Variants in MRTFB observed in about 807,000 individuals in gnomAD.
MRTFB encodes myocardin related transcription factor B, also known as myocardin-related transcription factor B.
MRTFB carries 29 observed loss-of-function variants against 104.2 expected under a neutral mutation model. The observed-to-expected ratio is 0.28, with a 90% confidence interval of 0.21 to 0.38. MRTFB has a LOEUF of 0.38. Ranked by LOEUF, MRTFB falls within the 10% of genes least tolerant of loss-of-function variation. The probability of loss-of-function intolerance (pLI) is 1.00; values close to 1 mark genes in which losing one functional copy is unlikely to be tolerated. For missense variants in MRTFB, 1,270 were observed against 1,341.6 expected (o/e 0.95, Z 0.83); for synonymous variants, 535 against 519.5 (o/e 1.03, Z -0.41).
chr16:14,165,005 G>A (rs1469520224), intron 3 of MRTFB, among the ~76,000 whole-genome samples: 1 of 151,466 alleles, frequency 6.6e-6, no homozygotes, highest in African/African-American at 2.4e-5. Flanking sequence ...TTCTTTTCAG[G>A]TTTCAGATTT....
At chr16:14,002,865 G>A in the MRTFB span, among the ~76,000 whole-genome samples, 1 of 152,054 alleles carries the variant, frequency 6.6e-6, no homozygotes, top group African/African-American at 2.4e-5. Context: ...AATTAAGAAA[G>A]AAAAGCAACA....
At chr16:14,086,596 A>G (rs898271424) in intron 2 of MRTFB, among the ~76,000 whole-genome samples, 2 of 152,190 alleles carry the variant, frequency 1.3e-5, no homozygotes, top group African/African-American at 4.8e-5. Flanking sequence ...TGATGGTATA[A>G]TCTTGTATTT....
At chr16:14,013,425 T>C in the MRTFB span, 2 of 152,212 alleles carry the variant, frequency 1.3e-5, no homozygotes, top group African/African-American at 4.8e-5. Flanking sequence ...TCACCAGCTC[T>C]TGGGCATTTA....
rs184510572 is a variant in MRTFB, at chr16:14,222,793, A to G, written c.693+3795A>G. Among the ~76,000 whole-genome samples the G allele has an allele frequency of 2.6e-5, 4 of 152,292 alleles. No homozygotes were observed. In the East Asian group the frequency reaches 7.7e-4, roughly 29 times the overall value. On this transcript the variant is annotated intron_variant, in intron 8 of 16. Transcript: ENST00000571589. The stretch of plus-strand genomic sequence containing the variant: ...TCTCATGCCAGTCAGAATAAAAGTC[A>G]AGAAACAACAGATGCTGGTGAGGCT...
At chr16:14,200,954 G>A (rs2040674616) in intron 3 of MRTFB, 2 of 1,432,084 alleles carry the variant, frequency 1.4e-6, no homozygotes, top group South Asian at 1.1e-5. Context: ...CAAAACACTG[G>A]AGATGATCAG....
intron 2 of MRTFB, among the ~76,000 whole-genome samples, chr16:14,100,440 A>G (rs74880377): frequency 0.012 from 1,893 of 152,298 alleles, 36 homozygotes; most frequent in African/African-American, 0.042. Context: ...CATTCCTAGG[A>G]TAAACCCCAT....
the MRTFB span, among the ~76,000 whole-genome samples, chr16:14,017,206 G>T: frequency 6.6e-6 from 1 of 151,744 alleles, no homozygotes; most frequent in Non-Finnish European, 1.5e-5. Flanking sequence ...ACAGGCGCCC[G>T]CCACCACACC....
chr16:14,025,266 G>A, the MRTFB span, among the ~76,000 whole-genome samples: 1 of 152,254 alleles, frequency 6.6e-6, no homozygotes, highest in East Asian at 1.9e-4. Flanking sequence ...TTGTAGCCTC[G>A]ACCTGTCAGC....
chr16:14,157,269 TATTG>T (rs1386641514), intron 3 of MRTFB, among the ~76,000 whole-genome samples: 1 of 152,226 alleles, frequency 6.6e-6, no homozygotes, highest in East Asian at 1.9e-4. Context: ...TCTCATTCTT[TATTG>T]AACACCAGAG....
At position 14,177,529 on chromosome 16, in the gene MRTFB, A is replaced by G. The variant is rs1336239527; in HGVS notation, c.155-32714A>G. ...GATTTAGTCTTAAGTATAGCATATA[A>G]TCTTAAAATCAAGGATATCTGAACT... On this transcript the variant is annotated intron_variant, in intron 3 of 16. Coordinates refer to ENST00000571589, the MANE Select transcript of MRTFB (RefSeq NM_001308142.2). This position sits in a 1 kb window ranked among gnomAD's most constrained non-coding sequence, Gnocchi z 4.7. Among the ~76,000 whole-genome samples, 1 of 152,196 alleles carries G rather than the reference A, an allele frequency of 6.6e-6. No homozygotes were observed. Among genetic ancestry groups the G allele is most frequent in the Non-Finnish European group, 1.5e-5 (1 of 68,032 alleles).
chr16:14,219,713 T>A (rs1380944093), intron 8 of MRTFB, among the ~76,000 whole-genome samples: 1 of 152,218 alleles, frequency 6.6e-6, no homozygotes, highest in African/African-American at 2.4e-5. Flanking sequence ...ATTGATTTGT[T>A]AGGAGCTATG....
At chr16:14,057,981 A>G in the MRTFB span, among the ~76,000 whole-genome samples, 1 of 152,188 alleles carries the variant, frequency 6.6e-6, no homozygotes, top group Non-Finnish European at 1.5e-5. Flanking sequence ...GGCCACCTTC[A>G]CAGTGACCTG....
At chr16:14,120,219 T>A (rs2036773980) in intron 2 of MRTFB, among the ~76,000 whole-genome samples, 1 of 152,240 alleles carries the variant, frequency 6.6e-6, no homozygotes, top group South Asian at 2.1e-4. Flanking sequence ...TTTTCCATAG[T>A]TCACATATGT....
At chr16:14,081,291 C>CTTTTTT (rs995694902) in intron 2 of MRTFB, among the ~76,000 whole-genome samples, 1 of 121,506 alleles carries the variant, frequency 8.2e-6, no homozygotes, top group Non-Finnish European at 1.7e-5. Flanking sequence ...CGTATGCTGC[C>CTTTTTT]TTTTTTTTTT....
chr16:14,112,320 G>A (rs745974738), intron 2 of MRTFB, among the ~76,000 whole-genome samples: 7 of 152,176 alleles, frequency 4.6e-5, no homozygotes, highest in Admixed American at 2.6e-4. Context: ...GGGAGATCAC[G>A]GAGTGTTCCT....
At chr16:14,002,832 C>T in the MRTFB span, among the ~76,000 whole-genome samples, 1 of 151,254 alleles carries the variant, frequency 6.6e-6, no homozygotes, top group Non-Finnish European at 1.5e-5. Context: ...CTTTTGATCT[C>T]GATTCTGAGC....
chr16:14,248,787 G>A (rs574432347), intron 12 of MRTFB, 139 bp from the exon 13 acceptor site: 2 of 797,522 alleles, frequency 2.5e-6, no homozygotes, highest in East Asian at 2.8e-5. Context: ...TTTCTGTGCA[G>A]ATGAAGTGTG....
chr16:14,117,601 C>T (rs964371753), intron 2 of MRTFB, among the ~76,000 whole-genome samples: 4 of 152,198 alleles, frequency 2.6e-5, no homozygotes, highest in African/African-American at 7.2e-5. Context: ...ACATTGTAGG[C>T]ATTTAAAATA....
At chr16:14,102,151 CT>C (rs996940116) in intron 2 of MRTFB, among the ~76,000 whole-genome samples, 107 of 147,432 alleles carry the variant, frequency 7.3e-4, no homozygotes, top group East Asian at 3.0e-3. Flanking sequence ...CAACCTGAGT[CT>C]TTTTAAAAAA....
Sources: gnomAD v4.1 joint callset for allele counts (sites outside exome capture counted in the v4.1 genomes callset) on GRCh38, gnomAD v4.1.1 for gene constraint, Gnocchi (gnomAD v3.1) non-coding constraint, MANE v1.5 for transcripts, NCBI Gene and HGNC (gene_info 2026-07-23, HGNC 2026-07-21) for gene names.